LMNB2: variants seen among roughly 807,000 people sequenced by gnomAD.
LMNB2 encodes lamin B2.
In LMNB2, 17 loss-of-function variants were observed where a neutral mutation model predicts 69.3. That is an observed-to-expected ratio of 0.25 (90% confidence interval 0.17 to 0.37). The LOEUF is 0.37. Among genes scored for constraint, LMNB2 ranks in the 10% least tolerant of loss-of-function variants. LMNB2 has a pLI of 1.00. For synonymous variants in LMNB2, 397 were observed against 389.3 expected (o/e 1.02, Z -0.23); for missense variants, 789 against 883.6 (o/e 0.89, Z 1.36).
chr19:2,438,354 C>T, intron 3 of LMNB2, 21 bp downstream of exon 3: 2 of 1,613,286 alleles, frequency 1.2e-6, no homozygotes, highest in Non-Finnish European at 1.7e-6. Flanking sequence ...GCTGGGGCGT[C>T]CCGTGGCTCC....
At chr19:2,432,591 T>TGGTGGCCCCATCACCCTGACC in intron 8 of LMNB2, 68 bp from the exon 9 acceptor site, 1 of 1,335,348 alleles carries the variant, frequency 7.5e-7, no homozygotes, top group Non-Finnish European at 1.1e-6. Context: ...TCGCCCTGGC[T>TGGTGGCCCCATCACCCTGACC]GGTGGCCCCA....
At chr19:2,438,021 C>T in intron 4 of LMNB2, 142 bp downstream of exon 4, 1 of 1,266,328 alleles carries the variant, frequency 7.9e-7, no homozygotes, top group Non-Finnish European at 1.1e-6. Context: ...CCAAGGGCAC[C>T]CTAAGAGGCA....
chr19:2,436,499 G>A (rs1432466803), intron 4 of LMNB2, among the ~76,000 whole-genome samples: 3 of 151,594 alleles, frequency 2.0e-5, no homozygotes, highest in Non-Finnish European at 4.4e-5. Flanking sequence ...CCTGCGGGCC[G>A]CGCACCCACC....
Position 2,434,070 on chromosome 19 carries a change from G to C in LMNB2, c.1238C>G (p.Thr413Ser), listed in dbSNP as rs2145447822. 2.5e-6 allele frequency: 4 copies of C among 1,596,414 alleles called. No homozygotes were observed. The South Asian group carries it at 4.5e-5, about 18-fold the overall frequency. Reference protein sequence around the residue: ...KLSPSPSSRVTVSRATSSSSG... With the variant: ...KLSPSPSSRVSVSRATSSSSG... ...GCTGCTCGAGGTGGCTCGTGAGACG[G>C]TGACGCGCGAGGATGGGCTGGGGGA... The change falls in exon 8 of 12, where the codon ACC (threonine) becomes AGC (serine). Residue 413 changes from threonine (T) to serine (S), a missense_variant. Thr to Ser is a moderately conservative substitution (Grantham distance 58). Transcript: ENST00000325327.
intron 8 of LMNB2, among the ~76,000 whole-genome samples, chr19:2,432,909 G>A (rs374546879): frequency 4.5e-5 from 3 of 67,160 alleles, no homozygotes; most frequent in East Asian, 5.2e-4. Flanking sequence ...ATTGGCCGGC[G>A]GCCCCGTCAC....
chr19:2,430,497 T>G lies in LMNB2; in HGVS notation c.*414A>C, dbSNP rs895827344. ...GTCGACGCCTGGATTCTGAATTTGG[T>G]TTTGTAGAAAGCCTTAAAAAAACCC... On this transcript the variant is annotated 3_prime_UTR_variant, in exon 12 of 12. Transcript: ENST00000325327. 8 of 291,968 alleles carry G rather than the reference T, an allele frequency of 2.7e-5. No individual in the cohort carries two copies. The highest frequency in any genetic ancestry group is 1.5e-4 in the African/African-American group (7 of 45,562). The allele number at this position is 291,968 out of a possible 1,614,324, so 18.1% of individuals were successfully genotyped here.
In LMNB2 at chr19:2,456,916, C is replaced by A. The variant is rs1039426985; in HGVS notation, c.18G>T (p.Pro6=). 22 of 994,698 alleles carry A rather than the reference C, an allele frequency of 2.2e-5. No homozygotes were observed. Among genetic ancestry groups the A allele is most frequent in the Admixed American group, 6.1e-5 (1 of 16,332 alleles). The allele number at this position is 994,698 out of a possible 1,614,324, so 61.6% of individuals were successfully genotyped here. MSPPS[P]GRRREQRRPR... ...GCCTGCGCTGCTCCCGACGGCGGCC[C>A]GGGCTCGGCGGGCTCATTCAATCCG... is the stretch of plus-strand genomic sequence containing the variant. The change falls in exon 1 of 12, where the codon CCG becomes CCT. Residue 6 remains proline, a synonymous_variant. Transcript: ENST00000325327.
At chr19:2,445,659 C>A (rs142897423) in intron 1 of LMNB2, among the ~76,000 whole-genome samples, 3,084 of 111,920 alleles carry the variant, frequency 0.028, 100 homozygotes, top group Non-Finnish European at 0.035. Context: ...CCCCAGCTCC[C>A]TACCCCACCA....
At chr19:2,436,507 ACCTCCACGGCCGCCCTCCCG>A (rs1310068907) in intron 4 of LMNB2, among the ~76,000 whole-genome samples, 2 of 150,936 alleles carry the variant, frequency 1.3e-5, no homozygotes, top group African/African-American at 4.9e-5. Context: ...CCGCGCACCC[ACCTCCACGGCCGCCCTCCCG>A]CCTCCACGGC....
Position 2,434,703 on chromosome 19 carries a change from G to A in LMNB2, c.981+85C>T. The A allele has an allele frequency of 9.8e-6, 15 of 1,531,556 alleles. No individual in the cohort carries two copies. In the South Asian group the frequency reaches 1.7e-4, roughly 17 times the overall value. 94.9% of individuals were successfully genotyped at this position (1,531,556 alleles called of 1,614,324 possible). A position where few individuals can be genotyped will look rare whatever the true frequency, so the allele number is the denominator to read the frequency against. On this transcript the variant is annotated intron_variant, in intron 6 of 11. Coordinates refer to ENST00000325327, the MANE Select transcript of LMNB2 (RefSeq NM_032737.4). ...CGAGGGCTGCATCCGATGCCAAGAGGCCAGAGCCCCACGCCCCGCACATCC... is the reference window on the plus strand; with the variant it reads ...CGAGGGCTGCATCCGATGCCAAGAGACCAGAGCCCCACGCCCCGCACATCC...
Position 2,433,889 on chromosome 19 carries a change from G to T in LMNB2, c.1419C>A (p.Ser473Arg). 6.2e-7 allele frequency: 1 copy of T among 1,612,564 alleles called. No homozygotes were observed. ...CCAGGTCGATCTCCTCGATGCTGAC[G>T]CTACCCGAGGCCGAGGCCTGCTGGG... is the stretch of plus-strand genomic sequence containing the variant. ...HLAQQASASG[S>R]VSIEEIDLEG... The change falls in exon 8 of 12, where the codon AGC (serine) becomes AGA (arginine). Residue 473 changes from serine (S) to arginine (R), a missense_variant. By Grantham distance (110) the Ser-to-Arg change is moderately radical. This residue lies in a region of LMNB2 where 609 missense variants were observed against 630.9 expected (regional missense o/e 0.97). Coordinates refer to ENST00000325327, the MANE Select transcript of LMNB2 (RefSeq NM_032737.4).
rs181791208 is a variant in LMNB2, at chr19:2,452,883, C to T, written c.264+3787G>A. 2.6e-5 allele frequency among the ~76,000 whole-genome samples: 4 copies of T among 151,968 alleles called. No individual in the cohort carries two copies. The East Asian group carries it at 7.8e-4, about 29-fold the overall frequency. On this transcript the variant is annotated intron_variant, in intron 1 of 11. Coordinates refer to ENST00000325327, the MANE Select transcript of LMNB2 (RefSeq NM_032737.4). ...CCATTCTCATGGGGGCCGTGTTACC[C>T]TCATGGAGGCTGCGTCATCCTCGTG...
chr19:2,449,335 G>C (rs1358493018), intron 1 of LMNB2, among the ~76,000 whole-genome samples: 1 of 152,210 alleles, frequency 6.6e-6, no homozygotes, highest in East Asian at 1.9e-4. Flanking sequence ...CCACCATCCG[G>C]GAGTGTGGGA....
At position 2,438,462 on chromosome 19, in the gene LMNB2, G is replaced by C; in HGVS notation, c.471C>G (p.His157Gln). 4 of 1,612,234 alleles carry C rather than the reference G, an allele frequency of 2.5e-6. No individual in the cohort carries two copies. In the East Asian group the frequency reaches 8.9e-5, roughly 36 times the overall value. ...CAGCTGCCAGCTCCACCTCGCTCCGGTGGAACAGGGACTCCAGGTCCTTCA... is the reference window on the plus strand; with the variant it reads ...CAGCTGCCAGCTCCACCTCGCTCCGCTGGAACAGGGACTCCAGGTCCTTCA... ...GRVKDLESLF[H>Q]RSEVELAAAL... The change falls in exon 3 of 12, where the codon CAC becomes CAG. Residue 157 changes from histidine (H) to glutamine (Q), a missense_variant. This residue lies in a region of LMNB2 where 145 missense variants were observed against 228.9 expected (regional missense o/e 0.63). Coordinates refer to ENST00000325327, the MANE Select transcript of LMNB2 (RefSeq NM_032737.4).
intron 1 of LMNB2, among the ~76,000 whole-genome samples, chr19:2,446,667 G>A (rs772377971): frequency 4.6e-5 from 7 of 152,208 alleles, no homozygotes; most frequent in African/African-American, 7.2e-5. Context: ...TCGCAGGTGC[G>A]GGCGAGTACG....
rs1202459496 is a variant in LMNB2, at chr19:2,456,945, C to G, written c.-12G>C. 1.0e-6 allele frequency: 1 copy of G among 987,756 alleles called. No homozygotes were observed. Among genetic ancestry groups the G allele is most frequent in the Non-Finnish European group, 1.2e-6 (1 of 833,034 alleles). The allele number at this position is 987,756 out of a possible 1,614,324, so 61.2% of individuals were successfully genotyped here. Reference sequence around the variant, plus strand: ...CTCGGCGGGCTCATTCAATCCGCGCCGCCGGCTGCAAGATGGCGCCGCGCC... The same window carrying G: ...CTCGGCGGGCTCATTCAATCCGCGCGGCCGGCTGCAAGATGGCGCCGCGCC... On this transcript the variant is annotated 5_prime_UTR_variant, in exon 1 of 12. Coordinates refer to ENST00000325327, the MANE Select transcript of LMNB2 (RefSeq NM_032737.4).
intron 2 of LMNB2, among the ~76,000 whole-genome samples, chr19:2,439,335 G>GATC (rs1013889879): frequency 6.6e-6 from 1 of 151,824 alleles, no homozygotes; most frequent in African/African-American, 2.4e-5. Flanking sequence ...GGTCTTGAGT[G>GATC]AGGGCACCCA....
At chr19:2,437,925 G>A (rs1971846926) in intron 4 of LMNB2, among the ~76,000 whole-genome samples, 1 of 152,222 alleles carries the variant, frequency 6.6e-6, no homozygotes, top group Non-Finnish European at 1.5e-5. Flanking sequence ...CCAATGACAA[G>A]TGTCCTTGTA....
Position 2,453,458 on chromosome 19 carries a change from C to T in LMNB2, c.264+3212G>A, listed in dbSNP as rs866795551. Among the ~76,000 whole-genome samples the T allele has an allele frequency of 2.6e-5, 4 of 151,986 alleles. No homozygotes were observed. Among genetic ancestry groups the T allele is most frequent in the African/African-American group, 9.7e-5 (4 of 41,378 alleles). ...CATGTGGGCCCACATGACGTCCCCC[C>T]ACCAGCGGCCCCCACCCCAGCAGGC... On this transcript the variant is annotated intron_variant, in intron 1 of 11. Coordinates refer to ENST00000325327, the MANE Select transcript of LMNB2 (RefSeq NM_032737.4). The surrounding 1 kb of genome is among the most constrained non-coding windows in gnomAD (Gnocchi z 4.4).
Sources: allele counts gnomAD v4.1 joint callset (sites outside exome capture counted in the v4.1 genomes callset), GRCh38; gene constraint gnomAD v4.1.1; regional missense constraint gnomAD v4.1.1; non-coding constraint Gnocchi (gnomAD v3.1); transcripts MANE v1.5; gene names NCBI Gene and HGNC (gene_info 2026-07-23, HGNC 2026-07-21).